DROSHA: variants seen among roughly 807,000 people sequenced by gnomAD.
DROSHA encodes ribonuclease 3.
In DROSHA, 56 loss-of-function variants were observed where a neutral mutation model predicts 181.9. The ratio of observed to expected loss-of-function variants is 0.31; its 90% CI spans 0.25 to 0.38. DROSHA has a LOEUF of 0.38. Among genes scored for constraint, DROSHA ranks in the 10% least tolerant of loss-of-function variants. The pLI is 1.00. For synonymous variants in DROSHA, 524 were observed against 591.2 expected, an observed-to-expected ratio of 0.89 and a Z score of 1.65; for missense variants, 1,218 against 1,743.5, an observed-to-expected ratio of 0.70 and a Z score of 5.37.
chr5:31,406,803 GAC>G (rs1034800934), intron 34 of DROSHA, 48 bp downstream of exon 34: 12 of 1,537,164 alleles, frequency 7.8e-6, no homozygotes, highest in Non-Finnish European at 1.1e-5. Flanking sequence ...TAGGGAATTA[GAC>G]ACACAGGATG....
At chr5:31,497,990 C>T (rs1429626990) in intron 11 of DROSHA, among the ~76,000 whole-genome samples, 1 of 152,216 alleles carries the variant, frequency 6.6e-6, no homozygotes, top group Non-Finnish European at 1.5e-5. Context: ...TTTGGAGGAT[C>T]CTTCTCCTTT....
intron 13 of DROSHA, among the ~76,000 whole-genome samples, chr5:31,491,833 T>G (rs979673818): frequency 6.6e-6 from 1 of 152,234 alleles, no homozygotes; most frequent in Non-Finnish European, 1.5e-5. Flanking sequence ...TTCACTCTTC[T>G]GCCCAGGCTG....
chr5:31,409,288 G>T lies in DROSHA; in HGVS notation c.3712C>A (p.His1238Asn). Residue 1238 changes from histidine (H) to asparagine (N), a missense_variant, in exon 32 of 36, where the codon CAT (histidine) becomes AAT (asparagine). Coordinates refer to ENST00000344624, the MANE Select transcript of DROSHA (RefSeq NM_001382508.1). This position sits in a 1 kb window ranked among gnomAD's most constrained non-coding sequence, Gnocchi z 4.0. ...LYIDKDLEYV[H>N]TFMNVCFFPR... ...AAGAAGCAGACATTCATGAAAGTATGAACATATTCCAAATCCTTATCAATG... is the reference window on the plus strand; with the variant it reads ...AAGAAGCAGACATTCATGAAAGTATTAACATATTCCAAATCCTTATCAATG... The T allele has an allele frequency of 6.3e-7, 1 of 1,592,146 alleles. No individual in the cohort carries two copies. Among genetic ancestry groups the T allele is most frequent in the South Asian group, 1.1e-5 (1 of 87,574 alleles).
At chr5:31,437,437 G>T (rs1745006899) in intron 23 of DROSHA, 139 bp from the exon 24 acceptor site, 3 of 739,304 alleles carry the variant, frequency 4.1e-6, no homozygotes, top group South Asian at 1.9e-5. Context: ...ATAATTAAGA[G>T]CACAGACCAC....
chr5:31,500,071 G>A (rs1258228302), intron 11 of DROSHA, among the ~76,000 whole-genome samples: 1 of 152,144 alleles, frequency 6.6e-6, no homozygotes, highest in Non-Finnish European at 1.5e-5. Flanking sequence ...TGACTGCAGA[G>A]ATGGCACATC....
intron 16 of DROSHA, among the ~76,000 whole-genome samples, chr5:31,479,263 G>C (rs1750744754): frequency 6.6e-6 from 1 of 152,158 alleles, no homozygotes; most frequent in Admixed American, 6.5e-5. Context: ...CACATGTTCA[G>C]AAGGAAGTGT....
rs753812667 is a variant in DROSHA at position 31,466,287 on chromosome 5, G to A, written c.2367-6C>T. On this transcript the variant is annotated splice_region_variant and splice_polypyrimidine_tract_variant and intron_variant, in intron 18 of 35. Transcript: ENST00000344624. ...TCTTCCACAGTTTTTGGTACCTAAG[G>A]AAAAGGACAGGCAAACATCTCAGGT... 4 of 1,613,250 alleles carry A rather than the reference G, an allele frequency of 2.5e-6. No homozygotes were observed. Among genetic ancestry groups the A allele is most frequent in the Non-Finnish European group, 3.4e-6 (4 of 1,179,346 alleles).
chr5:31,437,688 A>T (rs1745051453), intron 23 of DROSHA, among the ~76,000 whole-genome samples: 1 of 152,168 alleles, frequency 6.6e-6, no homozygotes, highest in South Asian at 2.1e-4. Context: ...CAATGTCCTA[A>T]AGACAGTTCC....
At chr5:31,403,319 A>T (rs1432187307) in intron 35 of DROSHA, among the ~76,000 whole-genome samples, 32 of 152,202 alleles carry the variant, frequency 2.1e-4, no homozygotes, top group Admixed American at 2.1e-3. Context: ...ACATTTAACT[A>T]TTGATAAAAC....
chr5:31,461,799 C>T (rs181655816), intron 20 of DROSHA, among the ~76,000 whole-genome samples: 413 of 150,956 alleles, frequency 2.7e-3, no homozygotes, highest in African/African-American at 9.7e-3. Flanking sequence ...AGGTTGCTCC[C>T]GTGTCATGAA....
At chr5:31,416,462 GAACTTCT>G (rs1741963998) in intron 30 of DROSHA, among the ~76,000 whole-genome samples, 1 of 151,978 alleles carries the variant, frequency 6.6e-6, no homozygotes, top group Non-Finnish European at 1.5e-5. Flanking sequence ...TGCTCTCAAA[GAACTTCT>G]AGTCCATTGG....
intron 4 of DROSHA, chr5:31,527,394 A>G (rs973051868): frequency 1.9e-5 from 3 of 158,944 alleles, no homozygotes; most frequent in African/African-American, 7.2e-5. Context: ...GAAAGTGCTC[A>G]GGTCTATTCC....
chr5:31,446,486 C>T (rs1380369853), intron 23 of DROSHA, among the ~76,000 whole-genome samples: 2 of 130,576 alleles, frequency 1.5e-5, no homozygotes, highest in Non-Finnish European at 3.3e-5. Flanking sequence ...TATAACAGCA[C>T]AAAAAAGAAT....
intron 26 of DROSHA, among the ~76,000 whole-genome samples, chr5:31,430,853 G>C (rs1256432529): frequency 6.6e-6 from 1 of 152,076 alleles, no homozygotes; most frequent in South Asian, 2.1e-4. Context: ...GGCAAAAATG[G>C]TAAGAACAAA....
At chr5:31,445,223 T>C (rs2050528752) in intron 23 of DROSHA, among the ~76,000 whole-genome samples, 2 of 152,204 alleles carry the variant, frequency 1.3e-5, no homozygotes, top group Non-Finnish European at 2.9e-5. Context: ...CACACAAAGA[T>C]AATCCTCCTT....
intron 16 of DROSHA, among the ~76,000 whole-genome samples, chr5:31,481,826 T>C (rs2150035245): frequency 6.6e-6 from 1 of 152,082 alleles, no homozygotes; most frequent in South Asian, 2.1e-4. Context: ...AGGAGGAAAG[T>C]AAGGAGCACC....
In DROSHA at chr5:31,451,562, A is replaced by G; in HGVS notation, c.2653T>C (p.Tyr885His). The G allele has an allele frequency of 6.2e-7, 1 of 1,612,448 alleles. No individual in the cohort carries two copies. The highest frequency in any genetic ancestry group is 1.3e-5 in the African/African-American group (1 of 75,038). The change falls in exon 21 of 36, where the codon TAT becomes CAT. Residue 885 changes from tyrosine to histidine, a missense_variant. This residue lies in a region of DROSHA where 460 missense variants were observed against 774.2 expected (regional missense o/e 0.59). Coordinates refer to ENST00000344624, the MANE Select transcript of DROSHA (RefSeq NM_001382508.1). ...AACAGACAACGATCTTGGAAAGTAT[A>G]TCCTATCAACTTGTCCAAATGCATT... ...CLMHLDKLIG[Y>H]TFQDRCLLQL...
intron 34 of DROSHA, 51 bp from the exon 35 acceptor site, chr5:31,405,774 T>A: frequency 1.5e-5 from 17 of 1,118,368 alleles, no homozygotes; most frequent in South Asian, 3.7e-5. Context: ...ATTCTTTTTT[T>A]TTTTTTTTTT....
At chr5:31,421,917 C>CGTGTGTGTGTGTATGTGTGTGTGTGT (rs1742762330) in intron 29 of DROSHA, 1 of 75,188 alleles carries the variant, frequency 1.3e-5, no homozygotes, top group African/African-American at 6.3e-5. Flanking sequence ...AAAAATTAGC[C>CGTGTGTGTGTGTATGTGTGTGTGTGT]GTGTGTGTGT....
Sources: allele counts gnomAD v4.1 joint callset (sites outside exome capture counted in the v4.1 genomes callset), GRCh38; gene constraint gnomAD v4.1.1; regional missense constraint gnomAD v4.1.1; non-coding constraint Gnocchi (gnomAD v3.1); transcripts MANE v1.5; gene names NCBI Gene and HGNC (gene_info 2026-07-23, HGNC 2026-07-21).